Variants in FGL1 observed in about 807,000 individuals in gnomAD.
FGL1 encodes fibrinogen-like protein 1.
A neutral mutation model predicts 43.7 loss-of-function variants in FGL1; 59 were observed. That is an observed-to-expected ratio of 1.35 (90% CI 1.10 to 1.68). The LOEUF (loss-of-function observed/expected upper bound fraction) is 1.68. FGL1 is among the 40% of genes most tolerant of loss of function. FGL1 has a pLI of 0.00. For synonymous variants in FGL1, 192 were observed against 126.5 expected (o/e 1.52, Z -3.48); for missense variants, 596 against 373.0 (o/e 1.60, Z -4.92).
intron 2 of FGL1, among the ~76,000 whole-genome samples, chr8:17,883,516 A>C (rs1239746491): frequency 1.5e-5 from 2 of 133,848 alleles, no homozygotes; most frequent in African/African-American, 5.6e-5. Context: ...TATATAATAT[A>C]ATGTAATATA....
At chr8:17,894,460 C>T (rs2053748245) in intron 1 of FGL1, among the ~76,000 whole-genome samples, 1 of 147,130 alleles carries the variant, frequency 6.8e-6, no homozygotes, top group South Asian at 2.1e-4. Context: ...TCTTAAGAAT[C>T]CATACTCACT....
chr8:17,885,237 G>T (rs2053610693), intron 2 of FGL1, among the ~76,000 whole-genome samples: 1 of 151,850 alleles, frequency 6.6e-6, no homozygotes, highest in African/African-American at 2.4e-5. Context: ...TAAAGATGGG[G>T]TTTCACCATA....
intron 3 of FGL1, among the ~76,000 whole-genome samples, chr8:17,880,547 C>T (rs967294646): frequency 6.6e-6 from 1 of 152,130 alleles, no homozygotes; most frequent in African/African-American, 2.4e-5. Context: ...AACTACCTTC[C>T]TTTCATTCCT....
chr8:17,885,581 C>A lies in FGL1; in HGVS notation c.-17-10G>T, dbSNP rs566772667. The stretch of plus-strand genomic sequence containing the variant: ...TTCCCCCTTGAAAAAACTGCAAGAA[C>A]AAAAAGAATTTTATAAATGTATCAA... On this transcript the variant is annotated splice_polypyrimidine_tract_variant and intron_variant, in intron 1 of 7. Transcript: ENST00000427924. 2.7e-5 allele frequency: 44 copies of A among 1,610,116 alleles called. 2 individuals are homozygous for A. In the South Asian group the frequency reaches 4.8e-4, roughly 17 times the overall value.
chr8:17,868,139 G>A (rs569842556), intron 7 of FGL1, among the ~76,000 whole-genome samples: 1 of 152,270 alleles, frequency 6.6e-6, no homozygotes, highest in East Asian at 1.9e-4. Flanking sequence ...TTGAAAAGTA[G>A]TACTATACAG....
intron 7 of FGL1, 127 bp downstream of exon 7, chr8:17,868,421 A>G (rs1418963359): frequency 2.9e-6 from 2 of 686,894 alleles, no homozygotes; most frequent in Non-Finnish European, 4.2e-6. Flanking sequence ...TCTAATGAGA[A>G]TGATTACTTA....
At chr8:17,870,503 C>G (rs1381160303) in intron 5 of FGL1, among the ~76,000 whole-genome samples, 1 of 152,128 alleles carries the variant, frequency 6.6e-6, no homozygotes, top group Non-Finnish European at 1.5e-5. Flanking sequence ...GAGTTTCAAG[C>G]CAGACCATGG....
chr8:17,885,719 C>T, intron 1 of FGL1, 148 bp from the exon 2 acceptor site: 1 of 614,292 alleles, frequency 1.6e-6, no homozygotes. Flanking sequence ...CCAGACTTTC[C>T]CAGCCTCTCA....
At chr8:17,879,888 G>C (rs1585139539) in intron 3 of FGL1, among the ~76,000 whole-genome samples, 1 of 152,140 alleles carries the variant, frequency 6.6e-6, no homozygotes, top group Non-Finnish European at 1.5e-5. Flanking sequence ...CCTTGAGTCT[G>C]TGCCAATAAC....
chr8:17,871,684 A>G (rs1202424162), intron 5 of FGL1, among the ~76,000 whole-genome samples: 1 of 152,174 alleles, frequency 6.6e-6, no homozygotes, highest in East Asian at 1.9e-4. Context: ...GAGGTAATTC[A>G]TTAATTCATT....
chr8:17,882,568 T>A (rs796863065), intron 2 of FGL1: 4 of 153,924 alleles, frequency 2.6e-5, no homozygotes, highest in African/African-American at 9.6e-5. Flanking sequence ...CTATATGACA[T>A]TGCTTATGTG....
intron 3 of FGL1, among the ~76,000 whole-genome samples, chr8:17,878,835 C>A (rs551194590): frequency 6.6e-6 from 1 of 151,424 alleles, no homozygotes; most frequent in Non-Finnish European, 1.5e-5. Context: ...TAATTGTTTT[C>A]AATTTAAGGA....
At chr8:17,870,915 A>C (rs1177557477) in intron 5 of FGL1, among the ~76,000 whole-genome samples, 1 of 151,474 alleles carries the variant, frequency 6.6e-6, no homozygotes, top group Admixed American at 6.6e-5. Context: ...AAAAAAAAAA[A>C]GCCATTTTTT....
At chr8:17,877,544 C>A (rs1247092631) in intron 3 of FGL1, among the ~76,000 whole-genome samples, 1 of 152,012 alleles carries the variant, frequency 6.6e-6, no homozygotes, top group Non-Finnish European at 1.5e-5. Flanking sequence ...AGCTGCCACT[C>A]CCCAGAGCAT....
At chr8:17,867,751 C>T (rs778951652) in intron 7 of FGL1, among the ~76,000 whole-genome samples, 3 of 152,114 alleles carry the variant, frequency 2.0e-5, no homozygotes, top group Non-Finnish European at 2.9e-5. Flanking sequence ...TCCAATGGTG[C>T]GAATCTCTGC....
Position 17,868,950 on chromosome 8 carries a change from G to T in FGL1, c.557C>A (p.Ala186Glu). The stretch of plus-strand genomic sequence containing the variant: ...TCCAACTTTGAAATTCTTATATTGT[G>T]CATAACGGCTATTTTTTTCAAAATC... ...LADFEKNSRY[A>E]QYKNFKVGDE... The change falls in exon 6 of 8, where the codon GCA becomes GAA. Residue 186 changes from alanine (A) to glutamate (E), a missense_variant. Physicochemically the swap from Ala to Glu is moderately radical, Grantham distance 107. Coordinates refer to ENST00000427924, the MANE Select transcript of FGL1 (RefSeq NM_004467.4). 3.1e-6 allele frequency: 5 copies of T among 1,605,990 alleles called. No individual in the cohort carries two copies. Among genetic ancestry groups the T allele is most frequent in the Non-Finnish European group, 4.2e-6 (5 of 1,177,312 alleles).
At chr8:17,878,778 A>C (rs1469623487) in intron 3 of FGL1, among the ~76,000 whole-genome samples, 3 of 152,136 alleles carry the variant, frequency 2.0e-5, no homozygotes, top group Non-Finnish European at 4.4e-5. Flanking sequence ...TAACTTGTAA[A>C]TAAGAAGAAA....
At chr8:17,868,778 T>G in intron 6 of FGL1, 43 bp from the exon 7 acceptor site, 1 of 1,546,826 alleles carries the variant, frequency 6.5e-7, no homozygotes, top group Non-Finnish European at 8.7e-7. Flanking sequence ...AGTTCCTCTA[T>G]GACCATTTTA....
chr8:17,865,230 C>G (rs756919195), intron 7 of FGL1, among the ~76,000 whole-genome samples: 1 of 152,152 alleles, frequency 6.6e-6, no homozygotes, highest in Non-Finnish European at 1.5e-5. Context: ...CAAACAAAAA[C>G]GCATCCTTGT....
Sources: gnomAD v4.1 joint callset for allele counts (sites outside exome capture counted in the v4.1 genomes callset) on GRCh38, gnomAD v4.1.1 for gene constraint, MANE v1.5 for transcripts, NCBI Gene and HGNC (gene_info 2026-07-23, HGNC 2026-07-21) for gene names.